ACO2: variants seen among roughly 807,000 people sequenced by gnomAD.
The protein encoded by ACO2 is aconitate hydratase, mitochondrial.
ACO2 carries 31 observed loss-of-function variants against 84.5 expected under a neutral mutation model. The observed-to-expected ratio is 0.37, with a 90% CI of 0.28 to 0.50. ACO2 has a LOEUF of 0.50. Among genes scored for constraint, ACO2 ranks in the 20% least tolerant of loss-of-function variants. The probability of loss-of-function intolerance (pLI) is 0.97; values close to 1 mark genes in which losing one functional copy is unlikely to be tolerated. For synonymous variants in ACO2, 414 were observed against 412.7 expected, an observed-to-expected ratio of 1.00 and a Z score of -0.04; for missense variants, 685 against 1,029.3, an observed-to-expected ratio of 0.67 and a Z score of 4.58.
intron 4 of ACO2, among the ~76,000 whole-genome samples, chr22:41,514,836 C>G (rs180785013): frequency 1.3e-5 from 2 of 152,346 alleles, no homozygotes; most frequent in African/African-American, 4.8e-5. Flanking sequence ...CCTCCAGATG[C>G]TGAAGTGGAC....
intron 14 of ACO2, chr22:41,525,992 A>G: frequency 2.5e-6 from 1 of 399,080 alleles, no homozygotes; most frequent in Non-Finnish European, 4.5e-6. Flanking sequence ...GTGAGCGAAC[A>G]TTGACCTGTC....
At position 41,514,138 on chromosome 22, in the gene ACO2, T is replaced by TA. The variant is rs147992664; in HGVS notation, c.526-1238dup. Among the ~76,000 whole-genome samples the TA allele has an allele frequency of 7.0e-3, 1,060 of 152,314 alleles. 14 individuals carry two copies. Among genetic ancestry groups the TA allele is most frequent in the African/African-American group, 0.025 (1,040 of 41,558 alleles). On this transcript the variant is annotated intron_variant, in intron 4 of 17. Coordinates refer to ENST00000216254, the MANE Select transcript of ACO2 (RefSeq NM_001098.3). ...CCCAAGAGATGAGACCTTTGGACCT[T>TA]AGAGTCTGCTAGGCAGATGCTTGTC...
intron 10 of ACO2, 84 bp from the exon 11 acceptor site, chr22:41,523,121 A>C: frequency 2.6e-6 from 4 of 1,535,378 alleles, no homozygotes; most frequent in African/African-American, 1.4e-5. Flanking sequence ...CCAGTACAGC[A>C]CTTCGTCCTG....
intron 1 of ACO2, among the ~76,000 whole-genome samples, chr22:41,476,697 G>A (rs765130300): frequency 1.3e-5 from 2 of 152,014 alleles, no homozygotes; most frequent in Non-Finnish European, 2.9e-5. Flanking sequence ...GCAACAGAGC[G>A]AGACTCTGTC....
chr22:41,476,866 G>A (rs556714072), intron 1 of ACO2, among the ~76,000 whole-genome samples: 1 of 151,974 alleles, frequency 6.6e-6, no homozygotes, highest in Non-Finnish European at 1.5e-5. Flanking sequence ...TAGGGAGAAT[G>A]GGCCAGGCAT....
At chr22:41,482,820 A>C (rs2038104271) in intron 1 of ACO2, among the ~76,000 whole-genome samples, 1 of 152,234 alleles carries the variant, frequency 6.6e-6, no homozygotes, top group African/African-American at 2.4e-5. Context: ...GGATTAAATA[A>C]AACCACAGAA....
rs746661331 is a variant in ACO2, at chr22:41,528,579, G to A, written c.2309G>A (p.Ser770Asn). The A allele has an allele frequency of 6.2e-7, 1 of 1,612,802 alleles. No individual in the cohort carries two copies. Among genetic ancestry groups the A allele is most frequent in the Non-Finnish European group, 8.5e-7 (1 of 1,180,028 alleles). ...ETQIEWFRAG[S>N]ALNRMKELQQ ...CAGATTGAGTGGTTCCGCGCTGGCA[G>A]TGCCCTCAACAGAATGAAGGAACTG... The change falls in exon 18 of 18, where the codon AGT becomes AAT. Residue 770 changes from serine to asparagine, a missense_variant. Physicochemically the swap from Ser to Asn is conservative, Grantham distance 46. Coordinates refer to ENST00000216254, the MANE Select transcript of ACO2 (RefSeq NM_001098.3).
chr22:41,483,466 A>G (rs2038113475), intron 1 of ACO2, among the ~76,000 whole-genome samples: 2 of 152,052 alleles, frequency 1.3e-5, no homozygotes, highest in African/African-American at 2.4e-5. Context: ...AGACCAGCCT[A>G]GCCAACATGG....
At chr22:41,481,462 A>G (rs1304211320) in intron 1 of ACO2, among the ~76,000 whole-genome samples, 1 of 152,236 alleles carries the variant, frequency 6.6e-6, no homozygotes, top group African/African-American at 2.4e-5. Flanking sequence ...GCAGTGCTGT[A>G]TGCACCATGC....
intron 17 of ACO2, 59 bp from the exon 18 acceptor site, chr22:41,528,420 G>A: frequency 3.1e-6 from 5 of 1,587,336 alleles, no homozygotes; most frequent in Non-Finnish European, 3.4e-6. Context: ...TGACCCCCCT[G>A]CGGGGCCAAG....
At chr22:41,505,672 C>T (rs538012328) in intron 2 of ACO2, among the ~76,000 whole-genome samples, 5 of 151,916 alleles carry the variant, frequency 3.3e-5, no homozygotes, top group Admixed American at 3.3e-4. Context: ...GAGTTTTATA[C>T]ATGAAAATAC....
chr22:41,511,980 C>A lies in ACO2; in HGVS notation c.525+12C>A, dbSNP rs1271204142. The A allele has an allele frequency of 1.2e-6, 2 of 1,600,478 alleles. No homozygotes were observed. The highest frequency in any genetic ancestry group is 1.7e-6 in the Non-Finnish European group (2 of 1,172,922). On this transcript the variant is annotated intron_variant, in intron 4 of 17. Coordinates refer to ENST00000216254, the MANE Select transcript of ACO2 (RefSeq NM_001098.3). Reference sequence around the variant, plus strand: ...GAATCATTCACCAGGTAAAGCTGGGCTCAGTCTGCCGTCCCAAGGGCCCAA... The same window carrying A: ...GAATCATTCACCAGGTAAAGCTGGGATCAGTCTGCCGTCCCAAGGGCCCAA...
chr22:41,480,955 A>G (rs1272164763), intron 1 of ACO2, among the ~76,000 whole-genome samples: 2 of 152,242 alleles, frequency 1.3e-5, no homozygotes, highest in East Asian at 3.9e-4. Flanking sequence ...AGCTCAGACT[A>G]TAGACACAGG....
intron 1 of ACO2, among the ~76,000 whole-genome samples, chr22:41,475,367 C>A (rs1271506345): frequency 6.6e-6 from 1 of 151,578 alleles, no homozygotes; most frequent in Admixed American, 6.6e-5. Context: ...AGATGGGGAT[C>A]TTGCCATGTC....
chr22:41,527,978 G>A lies in ACO2; in HGVS notation c.2164G>A (p.Asp722Asn). ...PADYNKIHPVDKLTIQGLKDF... is the reference protein window; with the variant it reads ...PADYNKIHPVNKLTIQGLKDF... The stretch of plus-strand genomic sequence containing the variant: ...TGACTACAACAAGATTCACCCTGTG[G>A]ACAAGCTGACCATTCAGGGCCTGAA... Residue 722 changes from aspartate (D) to asparagine (N), a missense_variant, in exon 17 of 18, where the codon GAC becomes AAC. By Grantham distance (23) the Asp-to-Asn change is conservative. This residue lies in a region of ACO2 where 174 missense variants were observed against 236.6 expected (regional missense o/e 0.74). Coordinates refer to ENST00000216254, the MANE Select transcript of ACO2 (RefSeq NM_001098.3). 6.2e-7 allele frequency: 1 copy of A among 1,614,196 alleles called. No homozygotes were observed. The highest frequency in any genetic ancestry group is 8.5e-7 in the Non-Finnish European group (1 of 1,180,016).
At chr22:41,523,721 C>T (rs547167403) in intron 11 of ACO2, 109 bp from the exon 12 acceptor site, 72 of 1,007,176 alleles carry the variant, frequency 7.1e-5, no homozygotes, top group Non-Finnish European at 1.0e-4. Flanking sequence ...CATTTTCCCT[C>T]GGTAGGAGCT....
At chr22:41,525,406 A>G in intron 14 of ACO2, 58 bp downstream of exon 14, 1 of 1,593,686 alleles carries the variant, frequency 6.3e-7, no homozygotes, top group Non-Finnish European at 8.6e-7. Context: ...CCGTCCCCTG[A>G]GCATCGGGAA....
chr22:41,499,905 G>C (rs200863334), intron 2 of ACO2, 43 bp downstream of exon 2: 2 of 1,605,040 alleles, frequency 1.2e-6, no homozygotes, highest in Non-Finnish European at 1.7e-6. Context: ...AGGGCATTGC[G>C]TCTGCTGCCT....
At chr22:41,507,440 T>C (rs935645054) in intron 2 of ACO2, among the ~76,000 whole-genome samples, 1 of 152,164 alleles carries the variant, frequency 6.6e-6, no homozygotes, top group Non-Finnish European at 1.5e-5. Flanking sequence ...TGTTGTTAAA[T>C]GGCAGGAATG....
Sources: gnomAD v4.1 joint callset for allele counts (sites outside exome capture counted in the v4.1 genomes callset) on GRCh38, gnomAD v4.1.1 for gene constraint, gnomAD v4.1.1 regional missense constraint, MANE v1.5 for transcripts, NCBI Gene and HGNC (gene_info 2026-07-23, HGNC 2026-07-21) for gene names.